FRMD4A: variants seen among roughly 807,000 people sequenced by gnomAD.
The protein encoded by FRMD4A is FERM domain containing 4A.
Under a neutral mutation model 129.1 loss-of-function variants are expected in FRMD4A, and 29 were observed. The ratio of observed to expected loss-of-function variants is 0.22; its 90% CI spans 0.17 to 0.31. The LOEUF is 0.31. Among genes scored for constraint, FRMD4A ranks in the 10% least tolerant of loss-of-function variants. The pLI is 1.00. For synonymous variants in FRMD4A, 634 were observed against 571.6 expected, an observed-to-expected ratio of 1.11 and a Z score of -1.56; for missense variants, 1,272 against 1,375.8, an observed-to-expected ratio of 0.92 and a Z score of 1.19.
Position 13,740,039 on chromosome 10 carries a change from G to T in FRMD4A, c.672+155C>A, listed in dbSNP as rs138055753. ...CGCTTGAACCCGGGAGGTGGAGGTT[G>T]CAGTGAGCCAAGATCGCACCCTGCA... On this transcript the variant is annotated intron_variant, in intron 11 of 24. Transcript: ENST00000357447. Among the ~76,000 whole-genome samples, 220 of 152,344 alleles carry T rather than the reference G, an allele frequency of 1.4e-3. 1 individual carries two copies. Among genetic ancestry groups the T allele is most frequent in the African/African-American group, 4.6e-3 (193 of 41,590 alleles).
At chr10:13,887,838 A>G (rs1007501131) in intron 2 of FRMD4A, among the ~76,000 whole-genome samples, 2 of 152,184 alleles carry the variant, frequency 1.3e-5, no homozygotes, top group Non-Finnish European at 2.9e-5. Flanking sequence ...CTGGTGGTAG[A>G]GCTGGTTACT....
At chr10:14,005,306 G>A (rs1437179836) in intron 2 of FRMD4A, among the ~76,000 whole-genome samples, 3 of 152,170 alleles carry the variant, frequency 2.0e-5, no homozygotes, top group Non-Finnish European at 4.4e-5. Flanking sequence ...ACAGGTGTGA[G>A]CCATCACACC....
chr10:13,886,506 T>A lies in FRMD4A; in HGVS notation c.46-27594A>T, dbSNP rs116220193. Among the ~76,000 whole-genome samples the A allele has an allele frequency of 2.9e-3, 440 of 152,358 alleles. 6 individuals carry two copies. The highest frequency in any genetic ancestry group is 0.01 in the African/African-American group (424 of 41,590). The stretch of plus-strand genomic sequence containing the variant: ...CCACAGCACAGACTAAGAAAAGTTT[T>A]GACACAGGTGGGCCTAACAAGCGAC... On this transcript the variant is annotated intron_variant, in intron 2 of 24. Transcript: ENST00000357447.
intron 2 of FRMD4A, among the ~76,000 whole-genome samples, chr10:13,946,690 T>C (rs2095334300): frequency 6.6e-6 from 1 of 152,190 alleles, no homozygotes; most frequent in Admixed American, 6.5e-5. Flanking sequence ...TGCCAAGTGA[T>C]TGGTCCACTG....
At chr10:13,853,372 C>T (rs1208040803) in intron 3 of FRMD4A, among the ~76,000 whole-genome samples, 1 of 152,116 alleles carries the variant, frequency 6.6e-6, no homozygotes, top group African/African-American at 2.4e-5. Context: ...CAGAGGGAGA[C>T]CCTGTCTCTC....
chr10:13,768,602 C>T (rs781099900), intron 6 of FRMD4A, among the ~76,000 whole-genome samples: 2 of 152,220 alleles, frequency 1.3e-5, no homozygotes, highest in Non-Finnish European at 2.9e-5. Flanking sequence ...AACGAATTCT[C>T]ACCAGTTATC....
chr10:14,259,205 GGCAA>G (rs1844717655), intron 2 of FRMD4A, among the ~76,000 whole-genome samples: 1 of 151,966 alleles, frequency 6.6e-6, no homozygotes, highest in Non-Finnish European at 1.5e-5. Context: ...AAAGGTAAAT[GGCAA>G]ACAATAAGAA....
At chr10:13,703,532 C>T (rs979221814) in intron 13 of FRMD4A, among the ~76,000 whole-genome samples, 3 of 152,162 alleles carry the variant, frequency 2.0e-5, no homozygotes, top group Non-Finnish European at 4.4e-5. Context: ...CATTAAATGA[C>T]CGTATCTGGC....
chr10:14,053,844 C>G (rs11258837), intron 2 of FRMD4A, among the ~76,000 whole-genome samples: 69,909 of 151,698 alleles, frequency 0.46, 16,685 homozygotes, highest in Middle Eastern at 0.59. Context: ...GGCAACATAG[C>G]AAGATCCCGT....
At chr10:14,318,661 T>C in intron 2 of FRMD4A, among the ~76,000 whole-genome samples, 1 of 151,762 alleles carries the variant, frequency 6.6e-6, no homozygotes, top group East Asian at 1.9e-4. Flanking sequence ...TATCACTCAT[T>C]CAATCAATAT....
chr10:14,256,057 A>T (rs1467076505), intron 2 of FRMD4A, among the ~76,000 whole-genome samples: 2 of 152,104 alleles, frequency 1.3e-5, no homozygotes, highest in Non-Finnish European at 2.9e-5. Flanking sequence ...CAATTTTTTA[A>T]ACTACAGAAT....
intron 2 of FRMD4A, among the ~76,000 whole-genome samples, chr10:14,174,525 C>T (rs1049348122): frequency 1.4e-5 from 2 of 138,992 alleles, no homozygotes; most frequent in Non-Finnish European, 3.2e-5. Flanking sequence ...AGCACTGTTG[C>T]GTTTGTTCGT....
chr10:14,091,383 A>C (rs79851188), intron 2 of FRMD4A, among the ~76,000 whole-genome samples: 1 of 152,132 alleles, frequency 6.6e-6, no homozygotes, highest in African/African-American at 2.4e-5. Context: ...TTTTTTTTAA[A>C]GAGTGTCTTT....
chr10:13,963,269 CTT>C (rs142764391), intron 2 of FRMD4A, among the ~76,000 whole-genome samples: 32,903 of 116,780 alleles, frequency 0.28, 4,130 homozygotes, highest in Non-Finnish European at 0.32. Flanking sequence ...GTGCAAGCCT[CTT>C]TTTTTTTTTT....
Position 13,789,180 on chromosome 10 carries a change from A to G in FRMD4A, c.300-6174T>C, listed in dbSNP as rs560940025. ...ATGCCTCTAAAATCTTAACTGGGAC[A>G]CCTAGCTGAAATATAGCAAGTTCTG... is the stretch of plus-strand genomic sequence containing the variant. On this transcript the variant is annotated intron_variant, in intron 5 of 24. Coordinates refer to ENST00000357447, the MANE Select transcript of FRMD4A (RefSeq NM_018027.5). 5.9e-5 allele frequency among the ~76,000 whole-genome samples: 9 copies of G among 152,288 alleles called. No individual in the cohort carries two copies. In the South Asian group the frequency reaches 1.9e-3, roughly 32 times the overall value.
chr10:13,869,695 A>G (rs1318979405), intron 2 of FRMD4A, among the ~76,000 whole-genome samples: 1 of 152,214 alleles, frequency 6.6e-6, no homozygotes, highest in Non-Finnish European at 1.5e-5. Flanking sequence ...GTGACATCCA[A>G]CTAGCTGGAC....
At chr10:13,943,519 G>A (rs745760304) in intron 2 of FRMD4A, among the ~76,000 whole-genome samples, 1 of 151,176 alleles carries the variant, frequency 6.6e-6, no homozygotes, top group Non-Finnish European at 1.5e-5. Flanking sequence ...GTGGTGGCAC[G>A]TGCCTGTAGT....
At position 14,155,676 on chromosome 10, in the gene FRMD4A, G is replaced by A. The variant is rs548938214; in HGVS notation, c.45+174382C>T. On this transcript the variant is annotated intron_variant, in intron 2 of 24. Transcript: ENST00000357447. ...ATGCAATGCCACTGGAGAGGGCTCT[G>A]AGATATTGGGATAATAAAATTGAAA... 3.9e-5 allele frequency among the ~76,000 whole-genome samples: 6 copies of A among 152,288 alleles called. No homozygotes were observed. The East Asian group carries it at 9.6e-4, about 24-fold the overall frequency.
chr10:13,997,071 T>C (rs961520318), intron 2 of FRMD4A, among the ~76,000 whole-genome samples: 6 of 152,028 alleles, frequency 3.9e-5, no homozygotes, highest in Admixed American at 3.3e-4. Flanking sequence ...ACCTAAGACT[T>C]AGGGGTAGAG....
Sources: allele counts gnomAD v4.1 joint callset (sites outside exome capture counted in the v4.1 genomes callset), GRCh38; gene constraint gnomAD v4.1.1; transcripts MANE v1.5; gene names NCBI Gene and HGNC (gene_info 2026-07-23, HGNC 2026-07-21).